RCN2: variants seen among roughly 807,000 people sequenced by gnomAD.
RCN2 encodes reticulocalbin-2.
RCN2 carries 23 observed loss-of-function variants against 37.5 expected under a neutral mutation model. The ratio of observed to expected loss-of-function variants is 0.61; its 90% CI spans 0.44 to 0.87. The LOEUF is 0.87. Among genes scored for constraint, RCN2 ranks in the 40% least tolerant of loss-of-function variants. The probability of loss-of-function intolerance (pLI) is 0.00; values close to 1 mark genes in which losing one functional copy is unlikely to be tolerated. For synonymous variants in RCN2, 140 were observed against 144.6 expected (o/e 0.97, Z 0.23); for missense variants, 381 against 390.4 (o/e 0.98, Z 0.20).
chr15:76,932,499 A>G (rs1187580687), intron 2 of RCN2, 33 bp downstream of exon 2: 2 of 1,398,178 alleles, frequency 1.4e-6, no homozygotes, highest in South Asian at 1.2e-5. Flanking sequence ...AACAATGGAG[A>G]CAAACACAAA....
intron 6 of RCN2, chr15:76,948,807 CAG>C: frequency 1.9e-6 from 1 of 520,082 alleles, no homozygotes; most frequent in Non-Finnish European, 3.3e-6. Context: ...GGACTCAAAA[CAG>C]GTTATAATAA....
Position 76,948,507 on chromosome 15 carries a change from G to T in RCN2, c.756G>T (p.Leu252=). ...ATGGCAGGCTTGATCCCCAAGAGCT[G>T]TTACCTTGGGTAGTACCTAATAATC... ...DNDGRLDPQE[L]LPWVVPNNQG... Residue 252 remains leucine (L), a synonymous_variant, in exon 6 of 7, where the codon CTG becomes CTT. Coordinates refer to ENST00000394885, the MANE Select transcript of RCN2 (RefSeq NM_002902.3). 6.2e-7 allele frequency: 1 copy of T among 1,607,098 alleles called. No individual in the cohort carries two copies.
Position 76,938,930 on chromosome 15 carries a change from G to A in RCN2, c.447+3208G>A, listed in dbSNP as rs1013093734. On this transcript the variant is annotated intron_variant, in intron 3 of 6. Transcript: ENST00000394885. ...ACCTGTAATCTCAGCACTTTGGGAA[G>A]CCAAGGTGGGAGAATCACTTGAGCC... 9 of 357,820 alleles carry A rather than the reference G, an allele frequency of 2.5e-5. No homozygotes were observed. The Admixed American group carries it at 2.7e-4, about 11-fold the overall frequency. The allele number at this position is 357,820 out of a possible 1,614,324, so 22.2% of individuals were successfully genotyped here.
chr15:76,937,084 T>C (rs988424494), intron 3 of RCN2, among the ~76,000 whole-genome samples: 1 of 152,266 alleles, frequency 6.6e-6, no homozygotes, highest in Non-Finnish European at 1.5e-5. Context: ...CTCAAGATTC[T>C]TCCATTTTGT....
chr15:76,935,193 A>C (rs1008148800), intron 2 of RCN2, among the ~76,000 whole-genome samples: 1 of 152,152 alleles, frequency 6.6e-6, no homozygotes, highest in South Asian at 2.1e-4. Context: ...GTGTGGTGGC[A>C]CATGCCTGTA....
In RCN2 at chr15:76,953,860, G is replaced by C. The variant is rs2075337038; in HGVS notation, c.*4638G>C. The C allele has an allele frequency of 6.6e-6, 1 of 150,880 alleles. No individual in the cohort carries two copies. Among genetic ancestry groups the C allele is most frequent in the East Asian group, 2.0e-4 (1 of 5,128 alleles). 9.3% of individuals were successfully genotyped at this position (150,880 alleles called of 1,614,324 possible). On this transcript the variant is annotated 3_prime_UTR_variant, in exon 7 of 7. Coordinates refer to ENST00000394885, the MANE Select transcript of RCN2 (RefSeq NM_002902.3). ...CTGACCTCGTGATCCGCCCGCCTTGGCCTCCCAAAGTGCTGGGATTACAGG... is the reference window on the plus strand; with the variant it reads ...CTGACCTCGTGATCCGCCCGCCTTGCCCTCCCAAAGTGCTGGGATTACAGG...
At chr15:76,943,982 G>T in intron 4 of RCN2, 111 bp downstream of exon 4, 9 of 236,406 alleles carry the variant, frequency 3.8e-5, no homozygotes, top group East Asian at 1.7e-4. Context: ...GGATACATGA[G>T]ACTTTTTTTT....
rs2075311498 is a variant in RCN2 at position 76,949,764 on chromosome 15, A to G, written c.*542A>G. ...TGGTTTCTATAAAGGGTTTTATTGT[A>G]TGAAATAGAACTTTATATTTTTGCA... On this transcript the variant is annotated 3_prime_UTR_variant, in exon 7 of 7. Coordinates refer to ENST00000394885, the MANE Select transcript of RCN2 (RefSeq NM_002902.3). 1 of 152,656 alleles carries G rather than the reference A, an allele frequency of 6.6e-6. No individual in the cohort carries two copies. Among genetic ancestry groups the G allele is most frequent in the African/African-American group, 2.4e-5 (1 of 41,458 alleles). The allele number at this position is 152,656 out of a possible 1,614,324, so 9.5% of individuals were successfully genotyped here.
Position 76,931,899 on chromosome 15 carries a change from G to A in RCN2, c.58G>A (p.Ala20Thr). Residue 20 changes from alanine to threonine, a missense_variant, in exon 1 of 7, where the codon GCC (alanine) becomes ACC (threonine). Physicochemically the swap from Ala to Thr is moderately conservative, Grantham distance 58. Coordinates refer to ENST00000394885, the MANE Select transcript of RCN2 (RefSeq NM_002902.3). ...GCTGCTGCTGCTGTGCGCCGCCGCG[G>A]CCGGCGCCGGCAAGGCCGAGGAGCT... The part of the protein sequence containing the change: ...LGLLLLCAAA[A>T]GAGKAEELHY... 2 of 1,321,170 alleles carry A rather than the reference G, an allele frequency of 1.5e-6. No individual in the cohort carries two copies. The highest frequency in any genetic ancestry group is 3.3e-5 in the East Asian group (1 of 30,016). The allele number at this position is 1,321,170 out of a possible 1,614,324, so 81.8% of individuals were successfully genotyped here.
chr15:76,951,047 A>G lies in RCN2; in HGVS notation c.*1825A>G, dbSNP rs1304383509. 6.6e-6 allele frequency: 1 copy of G among 152,250 alleles called. No individual in the cohort carries two copies. The highest frequency in any genetic ancestry group is 1.5e-5 in the Non-Finnish European group (1 of 68,040). The allele number at this position is 152,250 out of a possible 1,614,324, so 9.4% of individuals were successfully genotyped here. ...CACTATCACTCATCTGTCATTTGTC[A>G]GACTCACTGAAGCTGGCATATTTGA... On this transcript the variant is annotated 3_prime_UTR_variant, in exon 7 of 7. Transcript: ENST00000394885.
At chr15:76,941,852 AT>A (rs2152650797) in intron 3 of RCN2, 1 of 437,372 alleles carries the variant, frequency 2.3e-6, no homozygotes, top group Non-Finnish European at 4.1e-6. Context: ...CTCCTGAAAC[AT>A]GGACCTTTTT....
chr15:76,946,478 G>A lies in RCN2; in HGVS notation c.562-943G>A, dbSNP rs1031980171. Among the ~76,000 whole-genome samples the A allele has an allele frequency of 4.0e-5, 6 of 151,218 alleles. No individual in the cohort carries two copies. The South Asian group carries it at 6.3e-4, about 16-fold the overall frequency. On this transcript the variant is annotated intron_variant, in intron 4 of 6. Transcript: ENST00000394885. ...AAAAAAAGAAGGGGGAGGGCTAGGC[G>A]GAGTGGCTTACGCCTGTAATCCCAG...
At chr15:76,946,258 C>G (rs2075296230) in intron 4 of RCN2, among the ~76,000 whole-genome samples, 1 of 151,048 alleles carries the variant, frequency 6.6e-6, no homozygotes. Flanking sequence ...GAGTTCAAGA[C>G]CAGCCTGGAC....
In RCN2 at chr15:76,953,814, A is replaced by T. The variant is rs1370618454; in HGVS notation, c.*4592A>T. On this transcript the variant is annotated 3_prime_UTR_variant, in exon 7 of 7. Transcript: ENST00000394885. Reference sequence around the variant, plus strand: ...AGTAGAGACGGGGTTTCACCGTGTTAGCCAGGATGGTCTTGATCTGCTGAC... The same window carrying T: ...AGTAGAGACGGGGTTTCACCGTGTTTGCCAGGATGGTCTTGATCTGCTGAC... 3 of 2,518 alleles carry T rather than the reference A, an allele frequency of 1.2e-3. No individual in the cohort carries two copies. Among genetic ancestry groups the T allele is most frequent in the African/African-American group, 1.3e-3 (3 of 2,392 alleles). The allele number at this position is 2,518 out of a possible 1,614,324, so 0.2% of individuals were successfully genotyped here.
rs2075327514 is a variant in RCN2, at chr15:76,952,786, A to G, written c.*3564A>G. On this transcript the variant is annotated 3_prime_UTR_variant, in exon 7 of 7. Transcript: ENST00000394885. ...CAGGCGGGCACCACCATGCCCCCTA[A>G]TTTTTTGTATTTAGTAGAAATGGGG... The G allele has an allele frequency of 6.6e-6, 1 of 151,360 alleles. No individual in the cohort carries two copies. The highest frequency in any genetic ancestry group is 2.4e-5 in the African/African-American group (1 of 41,116). 9.4% of individuals were successfully genotyped at this position (151,360 alleles called of 1,614,324 possible).
At position 76,931,928 on chromosome 15, in the gene RCN2, C is replaced by A; in HGVS notation, c.87C>A (p.His29Gln). ...GCGCCGGCAAGGCCGAGGAGCTGCACTACCCGCTGGGCGAGCGCCGCAGCG... is the reference window on the plus strand; with the variant it reads ...GCGCCGGCAAGGCCGAGGAGCTGCAATACCCGCTGGGCGAGCGCCGCAGCG... ...AAGAGKAEELHYPLGERRSDY... is the reference protein window; with the variant it reads ...AAGAGKAEELQYPLGERRSDY... Residue 29 changes from histidine (H) to glutamine (Q), a missense_variant, in exon 1 of 7, where the codon CAC becomes CAA. Transcript: ENST00000394885. The A allele has an allele frequency of 1.5e-6, 2 of 1,315,938 alleles. No homozygotes were observed. The highest frequency in any genetic ancestry group is 3.6e-5 in the Admixed American group (1 of 28,044). The allele number at this position is 1,315,938 out of a possible 1,614,324, so 81.5% of individuals were successfully genotyped here.
intron 5 of RCN2, 40 bp from the exon 6 acceptor site, chr15:76,948,370 A>G: frequency 7.1e-7 from 1 of 1,415,420 alleles, no homozygotes; most frequent in Non-Finnish European, 9.7e-7. Flanking sequence ...GATACATGTG[A>G]TATTCTTGTG....
At position 76,953,571 on chromosome 15, in the gene RCN2, ATATATATATATATATATATATATTTTTT is replaced by A. The variant is rs2075331773; in HGVS notation, c.*4351_*4378del. ...ATAGTAATTCTATATATATATATATATATATATATATATATATATATATTTTTTTTTTTTTTTTTTTTTTTTTTTTTTT... is the reference window on the plus strand; with the variant it reads ...ATAGTAATTCTATATATATATATATATTTTTTTTTTTTTTTTTTTTTTTTT... On this transcript the variant is annotated 3_prime_UTR_variant, in exon 7 of 7. Transcript: ENST00000394885. 6.8e-5 allele frequency: 1 copy of A among 14,660 alleles called. No individual in the cohort carries two copies. The highest frequency in any genetic ancestry group is 1.3e-4 in the Non-Finnish European group (1 of 7,788). 0.9% of individuals were successfully genotyped at this position (14,660 alleles called of 1,614,324 possible). A position where few individuals can be genotyped will look rare whatever the true frequency, so the allele number is the denominator to read the frequency against.
Position 76,935,736 on chromosome 15 carries a change from C to T in RCN2, c.447+14C>T. On this transcript the variant is annotated intron_variant, in intron 3 of 6. Transcript: ENST00000394885. Reference sequence around the variant, plus strand: ...TCCTTTAGGAAGGTGAGTTCATGTGCACAAGCTGTTTCTTTTGATCATGTC... The same window carrying T: ...TCCTTTAGGAAGGTGAGTTCATGTGTACAAGCTGTTTCTTTTGATCATGTC... 6.3e-7 allele frequency: 1 copy of T among 1,595,746 alleles called. No individual in the cohort carries two copies. The highest frequency in any genetic ancestry group is 1.1e-5 in the South Asian group (1 of 89,022).
Sources: gnomAD v4.1 joint callset for allele counts (sites outside exome capture counted in the v4.1 genomes callset) on GRCh38, gnomAD v4.1.1 for gene constraint, MANE v1.5 for transcripts, NCBI Gene and HGNC (gene_info 2026-07-23, HGNC 2026-07-21) for gene names.